Variants in CDH7 observed in about 807,000 individuals in gnomAD.
The protein encoded by CDH7 is cadherin-7.
A neutral mutation model predicts 71.8 loss-of-function variants in CDH7; 25 were observed. That is an observed-to-expected ratio of 0.35 (90% confidence interval 0.25 to 0.49). The LOEUF is 0.49. Among genes scored for constraint, CDH7 ranks in the 20% least tolerant of loss-of-function variants. The probability of loss-of-function intolerance (pLI) is 0.99; values close to 1 mark genes in which losing one functional copy is unlikely to be tolerated. For missense variants in CDH7, 862 were observed against 974.6 expected, an observed-to-expected ratio of 0.88 and a Z score of 1.54; for synonymous variants, 381 against 363.8, an observed-to-expected ratio of 1.05 and a Z score of -0.54.
chr18:65,834,646 A>T (rs1465975362), intron 6 of CDH7, among the ~76,000 whole-genome samples: 2 of 152,216 alleles, frequency 1.3e-5, no homozygotes, highest in African/African-American at 4.8e-5. Context: ...AGAAGAGAGA[A>T]TTGATGGATC....
intron 2 of CDH7, among the ~76,000 whole-genome samples, chr18:65,785,527 GC>G (rs975101642): frequency 3.7e-4 from 56 of 151,742 alleles, no homozygotes; most frequent in African/African-American, 1.4e-3. Flanking sequence ...TTCTTAGCCT[GC>G]ATTCTAAGAC....
In CDH7 at chr18:65,762,812, C is replaced by A; in HGVS notation, c.-31C>A. 6.3e-7 allele frequency: 1 copy of A among 1,584,756 alleles called. No homozygotes were observed. Among genetic ancestry groups the A allele is most frequent in the Non-Finnish European group, 8.6e-7 (1 of 1,166,870 alleles). On this transcript the variant is annotated 5_prime_UTR_variant, in exon 2 of 12. Coordinates refer to ENST00000397968, the MANE Select transcript of CDH7 (RefSeq NM_004361.5). ...CCTTTTCTCTTGTCAAGGTTTTTTT[C>A]TTACACAGGAAAAAGAAAGAAAAAA...
chr18:65,845,976 A>T (rs142076232), intron 7 of CDH7, among the ~76,000 whole-genome samples: 36 of 152,190 alleles, frequency 2.4e-4, no homozygotes, highest in African/African-American at 8.2e-4. Context: ...GGATTTAAGA[A>T]TATTTTCATT....
chr18:65,821,954 T>C (rs1044201039), intron 4 of CDH7, 127 bp from the exon 5 acceptor site: 7 of 683,346 alleles, frequency 1.0e-5, no homozygotes, highest in South Asian at 1.7e-5. Flanking sequence ...CACAGTAAAA[T>C]TATTTAAAGT....
chr18:65,781,168 G>T (rs1361255289), intron 2 of CDH7, among the ~76,000 whole-genome samples: 1 of 152,090 alleles, frequency 6.6e-6, no homozygotes, highest in East Asian at 1.9e-4. Context: ...ATTCGATTCT[G>T]TCTCATAGCT....
Position 65,857,911 on chromosome 18 carries a change from C to T in CDH7, c.1331C>T (p.Thr444Ile), listed in dbSNP as rs1913422069. 6.2e-7 allele frequency: 1 copy of T among 1,613,530 alleles called. No homozygotes were observed. Among genetic ancestry groups the T allele is most frequent in the Non-Finnish European group, 8.5e-7 (1 of 1,179,724 alleles). Residue 444 changes from threonine to isoleucine, a missense_variant, in exon 8 of 12, where the codon ACA becomes ATA. Physicochemically the swap from Thr to Ile is moderately conservative, Grantham distance 89. Transcript: ENST00000397968. The part of the protein sequence containing the change: ...ITTAKSLDRE[T>I]NAIHNITVLA... ...ACTGCCAAGTCTTTGGATCGAGAGA[C>T]AAATGCTATTCACAATATCACAGTC...
At chr18:65,800,619 A>T (rs1011457090) in intron 2 of CDH7, among the ~76,000 whole-genome samples, 5 of 152,144 alleles carry the variant, frequency 3.3e-5, no homozygotes, top group Non-Finnish European at 5.9e-5. Context: ...TACATACTAA[A>T]TTTCACAAAA....
intron 2 of CDH7, among the ~76,000 whole-genome samples, chr18:65,793,637 T>C (rs1910797127): frequency 6.6e-6 from 1 of 152,146 alleles, no homozygotes. Flanking sequence ...CTCATCACAC[T>C]GTACTAATCA....
At chr18:65,776,401 C>T (rs9960360) in intron 2 of CDH7, among the ~76,000 whole-genome samples, 1 of 124,676 alleles carries the variant, frequency 8.0e-6, no homozygotes, top group African/African-American at 3.4e-5. Context: ...CACACACACA[C>T]AGAGAGAGAG....
intron 6 of CDH7, among the ~76,000 whole-genome samples, chr18:65,835,148 C>T (rs1912490221): frequency 6.6e-6 from 1 of 152,062 alleles, no homozygotes; most frequent in East Asian, 1.9e-4. Flanking sequence ...TGGGCTGGTT[C>T]CAAGAATGGT....
In CDH7 at chr18:65,842,528, A is replaced by T. The variant is rs370631170; in HGVS notation, c.982-1284A>T. Among the ~76,000 whole-genome samples the T allele has an allele frequency of 3.3e-5, 5 of 151,948 alleles. No individual in the cohort carries two copies. The East Asian group carries it at 5.8e-4, about 18-fold the overall frequency. ...ATATAATGTGTATATGTGTGTATAT[A>T]TGTGTTATATTTTATGTAGCAAAGT... On this transcript the variant is annotated intron_variant, in intron 6 of 11. Coordinates refer to ENST00000397968, the MANE Select transcript of CDH7 (RefSeq NM_004361.5).
rs765039771 is a variant in CDH7, at chr18:65,763,022, C to T, written c.180C>T (p.Tyr60=). 5.6e-6 allele frequency: 9 copies of T among 1,613,316 alleles called. No individual in the cohort carries two copies. The highest frequency in any genetic ancestry group is 3.4e-4 in the Middle Eastern group (2 of 5,880). ...ATCAGTTCTTTGTGCTGGAGGAATA[C>T]ATGGGTTCAGACCCCCTCTATGTAG... ...VWNQFFVLEE[Y]MGSDPLYVGK... is the part of the protein sequence containing the mutation. Residue 60 remains tyrosine, a synonymous_variant, in exon 2 of 12, where the codon TAC becomes TAT. Coordinates refer to ENST00000397968, the MANE Select transcript of CDH7 (RefSeq NM_004361.5).
chr18:65,795,599 G>A (rs1431600387), intron 2 of CDH7, among the ~76,000 whole-genome samples: 8 of 152,134 alleles, frequency 5.3e-5, no homozygotes, highest in Non-Finnish European at 1.2e-4. Flanking sequence ...AACACTCTTA[G>A]TGTGTATATT....
chr18:65,867,065 T>C (rs1355125519), intron 11 of CDH7, among the ~76,000 whole-genome samples: 1 of 150,116 alleles, frequency 6.7e-6, no homozygotes, highest in African/African-American at 2.4e-5. Flanking sequence ...AGACAGGGTC[T>C]TGCTCTTTCA....
At chr18:65,761,722 A>G (rs547538905) in intron 1 of CDH7, among the ~76,000 whole-genome samples, 1 of 152,280 alleles carries the variant, frequency 6.6e-6, no homozygotes, top group South Asian at 2.1e-4. Context: ...TTTGTTTTGT[A>G]ACTGATTTTA....
chr18:65,824,806 A>G lies in CDH7; in HGVS notation c.956A>G (p.Gln319Arg), dbSNP rs1175609513. The change falls in exon 6 of 12, where the codon CAG becomes CGG. Residue 319 changes from glutamine to arginine, a missense_variant. Coordinates refer to ENST00000397968, the MANE Select transcript of CDH7 (RefSeq NM_004361.5). The part of the protein sequence containing the change: ...IFKISVDKET[Q>R]EGIITIQKEL... Reference sequence around the variant, plus strand: ...AAGATTTCTGTTGACAAAGAAACCCAGGAAGGAATCATTACTATACAGAAG... The same window carrying G: ...AAGATTTCTGTTGACAAAGAAACCCGGGAAGGAATCATTACTATACAGAAG... 6.2e-7 allele frequency: 1 copy of G among 1,611,254 alleles called. No homozygotes were observed. The highest frequency in any genetic ancestry group is 8.5e-7 in the Non-Finnish European group (1 of 1,177,812).
intron 7 of CDH7, among the ~76,000 whole-genome samples, chr18:65,845,383 A>C (rs897742285): frequency 2.0e-5 from 3 of 152,026 alleles, no homozygotes; most frequent in Admixed American, 2.0e-4. Context: ...CCGAGAGTAT[A>C]ATCTGTGCAC....
chr18:65,875,195 T>C (rs1425272128), intron 11 of CDH7, among the ~76,000 whole-genome samples: 2 of 152,150 alleles, frequency 1.3e-5, no homozygotes. Context: ...AGAGCAAATA[T>C]AGGTGACTTC....
intron 2 of CDH7, among the ~76,000 whole-genome samples, chr18:65,773,157 A>C (rs1022086366): frequency 6.6e-6 from 1 of 152,186 alleles, no homozygotes; most frequent in African/African-American, 2.4e-5. Flanking sequence ...TCAGAGGTTC[A>C]ACAGTCATAC....
Sources: gnomAD v4.1 joint callset for allele counts (sites outside exome capture counted in the v4.1 genomes callset) on GRCh38, gnomAD v4.1.1 for gene constraint, MANE v1.5 for transcripts, NCBI Gene and HGNC (gene_info 2026-07-23, HGNC 2026-07-21) for gene names.